Variants in COL24A1 observed in about 807,000 individuals in gnomAD.
COL24A1 encodes collagen alpha-1(XXIV) chain.
COL24A1 carries 224 observed loss-of-function variants against 253.9 expected under a neutral mutation model. The observed-to-expected ratio is 0.88, with a 90% CI of 0.79 to 0.99. The LOEUF (loss-of-function observed/expected upper bound fraction) is 0.99, where lower values mean the gene tolerates loss of function less well. Among genes scored for constraint, COL24A1 ranks in the 50% least tolerant of loss-of-function variants. COL24A1 has a pLI of 0.00. For missense variants in COL24A1, 2,131 were observed against 2,068.5 expected (o/e 1.03, Z -0.59); for synonymous variants, 685 against 673.7 (o/e 1.02, Z -0.26).
intron 7 of COL24A1, among the ~76,000 whole-genome samples, chr1:86,071,830 G>A (rs927703323): frequency 2.6e-5 from 4 of 152,170 alleles, no homozygotes; most frequent in African/African-American, 9.7e-5. Context: ...GACTGGGACT[G>A]GTTAGTCAGT....
intron 53 of COL24A1, among the ~76,000 whole-genome samples, chr1:85,765,755 C>G (rs878891751): frequency 6.6e-6 from 1 of 151,644 alleles, no homozygotes; most frequent in Admixed American, 6.6e-5. Flanking sequence ...GAAAAAAAAT[C>G]CTTTGCCGAT....
At chr1:85,778,023 CTCTATCTA>C (rs71075864) in intron 52 of COL24A1, among the ~76,000 whole-genome samples, 237 of 149,246 alleles carry the variant, frequency 1.6e-3, no homozygotes, top group African/African-American at 4.2e-3. Flanking sequence ...ATGTCTCTAT[CTCTATCTA>C]TCTATCTATC....
chr1:85,895,841 T>C lies in COL24A1; in HGVS notation c.2922+17A>G. The C allele has an allele frequency of 5.6e-6, 9 of 1,599,992 alleles. No homozygotes were observed. The highest frequency in any genetic ancestry group is 7.7e-6 in the Non-Finnish European group (9 of 1,173,552). On this transcript the variant is annotated intron_variant, in intron 31 of 59. Transcript: ENST00000370571. ...CAGATAAAAATTTTTCATAGCATGA[T>C]TTTTTAAATTACTTACTGGTTTCCC...
rs752966345 is a variant in COL24A1, at chr1:86,126,060, T to G, written c.276A>C (p.Thr92=). ...TGACTGGTAAAATTTTCACGAAAGG[T>G]GTCTCGATATAAGCATCATTTTTAA... is the stretch of plus-strand genomic sequence containing the variant. The part of the protein sequence containing the change: ...VIFKNDAYIE[T]PFVKILPVNL... The change falls in exon 3 of 60, where the codon ACA becomes ACC. Residue 92 remains threonine (T), a synonymous_variant. Coordinates refer to ENST00000370571, the MANE Select transcript of COL24A1 (RefSeq NM_152890.7). The G allele has an allele frequency of 1.2e-6, 2 of 1,613,446 alleles. No homozygotes were observed. Among genetic ancestry groups the G allele is most frequent in the African/African-American group, 2.7e-5 (2 of 74,856 alleles).
intron 47 of COL24A1, among the ~76,000 whole-genome samples, chr1:85,815,480 T>A (rs1382944573): frequency 6.6e-6 from 1 of 152,214 alleles, no homozygotes; most frequent in Non-Finnish European, 1.5e-5. Context: ...CATGAGGCTC[T>A]GATATGTTTC....
intron 20 of COL24A1, among the ~76,000 whole-genome samples, chr1:85,977,657 A>G (rs751598999): frequency 6.6e-6 from 1 of 152,170 alleles, no homozygotes; most frequent in Non-Finnish European, 1.5e-5. Flanking sequence ...TAATTAACTC[A>G]ATCAGACAAA....
intron 19 of COL24A1, among the ~76,000 whole-genome samples, chr1:85,988,477 ATAAT>A: frequency 6.6e-6 from 1 of 152,176 alleles, no homozygotes; most frequent in East Asian, 1.9e-4. Context: ...TCTTGCTGAA[ATAAT>A]TAGAGTGTGA....
At chr1:86,098,110 A>G (rs1454904893) in intron 5 of COL24A1, among the ~76,000 whole-genome samples, 1 of 152,222 alleles carries the variant, frequency 6.6e-6, no homozygotes, top group Non-Finnish European at 1.5e-5. Flanking sequence ...AGGGAGACCC[A>G]TACTTTGTGT....
At chr1:85,771,649 T>C (rs1425170693) in intron 53 of COL24A1, among the ~76,000 whole-genome samples, 1 of 152,186 alleles carries the variant, frequency 6.6e-6, no homozygotes. Flanking sequence ...ATGGTATTTC[T>C]AGTTCTAGAT....
chr1:85,917,927 C>T (rs904326110), intron 24 of COL24A1, among the ~76,000 whole-genome samples: 2 of 152,182 alleles, frequency 1.3e-5, no homozygotes, highest in African/African-American at 2.4e-5. Context: ...AAGCTGGTCT[C>T]GAACTCCTGA....
At chr1:85,837,634 CA>C (rs1484297037) in intron 43 of COL24A1, among the ~76,000 whole-genome samples, 1 of 151,534 alleles carries the variant, frequency 6.6e-6, no homozygotes. Flanking sequence ...GCAAAATTAG[CA>C]AAAAAAGAAT....
intron 6 of COL24A1, 53 bp from the exon 7 acceptor site, chr1:86,089,280 A>G: frequency 1.4e-6 from 2 of 1,388,630 alleles, no homozygotes; most frequent in Non-Finnish European, 9.9e-7. Flanking sequence ...GAAAATTAGA[A>G]TTCTCTTGAA....
chr1:85,912,168 G>A (rs74659632), intron 24 of COL24A1, among the ~76,000 whole-genome samples: 1,806 of 152,206 alleles, frequency 0.012, 40 homozygotes, highest in Non-Finnish European at 0.011. Flanking sequence ...AGCCAAAGAA[G>A]GGAGGAAGAA....
intron 3 of COL24A1, among the ~76,000 whole-genome samples, chr1:86,119,371 T>A (rs1289151290): frequency 1.3e-5 from 2 of 152,156 alleles, no homozygotes; most frequent in African/African-American, 4.8e-5. Flanking sequence ...TTTAAGGGAA[T>A]GTGCAAGCCA....
At chr1:85,856,057 G>C (rs1207502288) in intron 37 of COL24A1, among the ~76,000 whole-genome samples, 1 of 152,020 alleles carries the variant, frequency 6.6e-6, no homozygotes, top group Admixed American at 6.6e-5. Flanking sequence ...TGTCATTTCT[G>C]AATGTGTTTA....
intron 43 of COL24A1, among the ~76,000 whole-genome samples, chr1:85,825,612 C>T (rs1307796119): frequency 1.3e-5 from 2 of 150,742 alleles, no homozygotes; most frequent in Non-Finnish European, 3.0e-5. Flanking sequence ...TAATGATTGC[C>T]ATTCTAACTG....
intron 32 of COL24A1, among the ~76,000 whole-genome samples, chr1:85,881,225 T>C (rs1681799908): frequency 6.8e-6 from 1 of 146,776 alleles, no homozygotes; most frequent in African/African-American, 2.5e-5. Flanking sequence ...CAATACAGGT[T>C]GAGGAAGATA....
intron 57 of COL24A1, among the ~76,000 whole-genome samples, chr1:85,742,218 G>A (rs952727859): frequency 6.7e-6 from 1 of 148,836 alleles, no homozygotes; most frequent in African/African-American, 2.5e-5. Flanking sequence ...CTGCAATCTC[G>A]GCCTCCTGGG....
At chr1:86,103,939 G>A (rs1426599701) in intron 5 of COL24A1, among the ~76,000 whole-genome samples, 2 of 152,116 alleles carry the variant, frequency 1.3e-5, no homozygotes, top group African/African-American at 4.8e-5. Context: ...CTCTAGCTAG[G>A]TTAGGGAAGT....
Sources: gnomAD v4.1 joint callset for allele counts (sites outside exome capture counted in the v4.1 genomes callset) on GRCh38, gnomAD v4.1.1 for gene constraint, MANE v1.5 for transcripts, NCBI Gene and HGNC (gene_info 2026-07-23, HGNC 2026-07-21) for gene names.